PCDHA8: variants seen among roughly 807,000 people sequenced by gnomAD.
PCDHA8 encodes the protein protocadherin alpha-8.
Under a neutral mutation model 61.8 loss-of-function variants are expected in PCDHA8, and 53 were observed. That is an observed-to-expected ratio of 0.86 (90% CI 0.69 to 1.08). The LOEUF is 1.08. Ranked by LOEUF, PCDHA8 falls within the 50% of genes least tolerant of loss-of-function variation. The pLI is 0.00. For synonymous variants in PCDHA8, 618 were observed against 556.6 expected (o/e 1.11, Z -1.55); for missense variants, 1,293 against 1,245.0 (o/e 1.04, Z -0.58).
intron 1 of PCDHA8, among the ~76,000 whole-genome samples, chr5:140,902,684 A>G (rs1173996816): frequency 6.6e-6 from 1 of 152,100 alleles, no homozygotes; most frequent in Non-Finnish European, 1.5e-5. Flanking sequence ...ACCGTACCTA[A>G]TATGTGTAGT....
chr5:140,984,428 G>A (rs2097103075), intron 3 of PCDHA8, among the ~76,000 whole-genome samples: 1 of 152,100 alleles, frequency 6.6e-6, no homozygotes, highest in African/African-American at 2.4e-5. Context: ...ATAGAGAAGG[G>A]GATCTCCCTT....
At chr5:140,947,371 A>G (rs1468768080) in intron 1 of PCDHA8, among the ~76,000 whole-genome samples, 1 of 151,626 alleles carries the variant, frequency 6.6e-6, no homozygotes, top group Non-Finnish European at 1.5e-5. Context: ...CCTTTGATCT[A>G]TATGTTTATC....
Position 141,010,021 on chromosome 5 carries a change from T to C in PCDHA8, c.*84T>C. 1 of 1,572,108 alleles carries C rather than the reference T, an allele frequency of 6.4e-7. No individual in the cohort carries two copies. The highest frequency in any genetic ancestry group is 1.9e-5 in the Admixed American group (1 of 52,756). On this transcript the variant is annotated 3_prime_UTR_variant, in exon 4 of 4. Coordinates refer to ENST00000531613, the MANE Select transcript of PCDHA8 (RefSeq NM_018911.3). ...CATGTAGCAATTCCCTGCTCCTTTTTCCTATCTACATGAGCCCTCTTAGAG... is the reference window on the plus strand; with the variant it reads ...CATGTAGCAATTCCCTGCTCCTTTTCCCTATCTACATGAGCCCTCTTAGAG...
intron 1 of PCDHA8, chr5:140,929,609 A>G: frequency 2.4e-6 from 1 of 410,256 alleles, no homozygotes; most frequent in Non-Finnish European, 4.4e-6. Flanking sequence ...TAAAAATAAA[A>G]TACCAAAATA....
rs149739125 is a variant in PCDHA8, at chr5:140,954,248, C to T, written c.2395-24701C>T. 1.2e-3 allele frequency among the ~76,000 whole-genome samples: 179 copies of T among 152,316 alleles called. 1 individual carries two copies. The highest frequency in any genetic ancestry group is 4.0e-3 in the African/African-American group (166 of 41,572). ...TGAATAGTGCTGCAATGAACATACACATGCAGGTATCTTTATAATAGGATG... is the reference window on the plus strand; with the variant it reads ...TGAATAGTGCTGCAATGAACATACATATGCAGGTATCTTTATAATAGGATG... On this transcript the variant is annotated intron_variant, in intron 1 of 3. Coordinates refer to ENST00000531613, the MANE Select transcript of PCDHA8 (RefSeq NM_018911.3).
intron 1 of PCDHA8, among the ~76,000 whole-genome samples, chr5:140,917,183 A>T (rs2077937210): frequency 6.6e-6 from 1 of 152,132 alleles, no homozygotes; most frequent in African/African-American, 2.4e-5. Flanking sequence ...GTGATCCCAG[A>T]GTGTCTCTCC....
intron 1 of PCDHA8, among the ~76,000 whole-genome samples, chr5:140,941,983 A>G (rs2093212614): frequency 6.6e-6 from 1 of 152,198 alleles, no homozygotes; most frequent in Non-Finnish European, 1.5e-5. Context: ...CTAAACCTTG[A>G]TAAGGGATTC....
chr5:140,977,750 G>A (rs2096773664), intron 1 of PCDHA8, among the ~76,000 whole-genome samples: 1 of 152,142 alleles, frequency 6.6e-6, no homozygotes, highest in South Asian at 2.1e-4. Context: ...GAAGAAATGT[G>A]TTTATTAAAT....
chr5:140,996,293 A>T (rs1481852263), intron 3 of PCDHA8, among the ~76,000 whole-genome samples: 1 of 152,264 alleles, frequency 6.6e-6, no homozygotes, highest in African/African-American at 2.4e-5. Context: ...CAAGAAGCAC[A>T]GATTGTAACA....
intron 1 of PCDHA8, among the ~76,000 whole-genome samples, chr5:140,903,138 A>T (rs188809018): frequency 6.6e-6 from 1 of 152,258 alleles, no homozygotes; most frequent in East Asian, 1.9e-4. Context: ...AAATCTCCAA[A>T]CTGTTTTCCA....
At chr5:140,882,267 C>A in intron 1 of PCDHA8, 1 of 1,610,288 alleles carries the variant, frequency 6.2e-7, no homozygotes, top group Non-Finnish European at 8.5e-7. Context: ...TTGGAGTGTA[C>A]CATGCTGTCT....
Position 140,842,830 on chromosome 5 carries a change from G to C in PCDHA8, c.1509G>C (p.Ser503=). The change falls in exon 1 of 4, where the codon TCG becomes TCC. Residue 503 remains serine, a synonymous_variant. Transcript: ENST00000531613. ...SLVERRVGER[S]LSSYISVHTE... Reference sequence around the variant, plus strand: ...TGGAGCGGCGGGTGGGCGAGCGCTCGCTGTCGAGCTACATTTCGGTGCACA... The same window carrying C: ...TGGAGCGGCGGGTGGGCGAGCGCTCCCTGTCGAGCTACATTTCGGTGCACA... 2.4e-5 allele frequency: 39 copies of C among 1,593,780 alleles called. 3 individuals carry two copies. The highest frequency in any genetic ancestry group is 3.2e-5 in the Non-Finnish European group (37 of 1,165,316).
intron 1 of PCDHA8, chr5:140,875,916 G>GC: frequency 6.2e-7 from 1 of 1,614,086 alleles, no homozygotes. Context: ...CTGCGCCTCT[G>GC]GACTCTCATT....
intron 1 of PCDHA8, among the ~76,000 whole-genome samples, chr5:140,960,594 G>A (rs1341832093): frequency 6.6e-6 from 1 of 152,042 alleles, no homozygotes; most frequent in African/African-American, 2.4e-5. Flanking sequence ...CAAATTCAAG[G>A]TACTTCAACA....
intron 1 of PCDHA8, chr5:140,967,339 G>A (rs2153751436): frequency 6.2e-7 from 1 of 1,607,904 alleles, no homozygotes; most frequent in Non-Finnish European, 8.5e-7. Context: ...GCCCCAGCGA[G>A]CACTTCGAGC....
chr5:140,937,511 G>A (rs569896730), intron 1 of PCDHA8, among the ~76,000 whole-genome samples: 2 of 152,166 alleles, frequency 1.3e-5, no homozygotes, highest in Non-Finnish European at 2.9e-5. Context: ...CAGCTACTCA[G>A]GAGGCTGAGG....
Position 140,853,252 on chromosome 5 carries a change from C to T in PCDHA8, c.2394+9537C>T. 3 of 974,906 alleles carry T rather than the reference C, an allele frequency of 3.1e-6. 1 individual carries two copies. 60.4% of individuals were successfully genotyped at this position (974,906 alleles called of 1,614,324 possible). On this transcript the variant is annotated intron_variant, in intron 1 of 3. Transcript: ENST00000531613. ...TTAGTCCTTCATATTAATCTCTATT[C>T]TCTCTCAGAGTACAAGCTCTCATCA...
rs548266069 is a variant in PCDHA8 at position 140,886,217 on chromosome 5, T to G, written c.2394+42502T>G. Among the ~76,000 whole-genome samples, 388 of 152,238 alleles carry G rather than the reference T, an allele frequency of 2.5e-3. 1 individual carries two copies. Among genetic ancestry groups the G allele is most frequent in the African/African-American group, 9.1e-3 (377 of 41,582 alleles). Reference sequence around the variant, plus strand: ...GTAATCTGTTCTCCATTTCTCTAATTTTGTTACTTTTACTTCAGAAATAAA... The same window carrying G: ...GTAATCTGTTCTCCATTTCTCTAATGTTGTTACTTTTACTTCAGAAATAAA... On this transcript the variant is annotated intron_variant, in intron 1 of 3. Coordinates refer to ENST00000531613, the MANE Select transcript of PCDHA8 (RefSeq NM_018911.3).
rs376660293 is a variant in PCDHA8 at position 141,011,766 on chromosome 5, A to C, written c.*1829A>C. ...ACCAATCTGACCTCTTTGAAGTTGCAGAATGCTTTGAAATTCTAATGGTAT... is the reference window on the plus strand; with the variant it reads ...ACCAATCTGACCTCTTTGAAGTTGCCGAATGCTTTGAAATTCTAATGGTAT... On this transcript the variant is annotated 3_prime_UTR_variant, in exon 4 of 4. Transcript: ENST00000531613. 2.6e-5 allele frequency: 4 copies of C among 153,796 alleles called. No homozygotes were observed. Among genetic ancestry groups the C allele is most frequent in the Non-Finnish European group, 5.9e-5 (4 of 68,044 alleles). 9.5% of individuals were successfully genotyped at this position (153,796 alleles called of 1,614,324 possible).
Sources: gnomAD v4.1 joint callset for allele counts (sites outside exome capture counted in the v4.1 genomes callset) on GRCh38, gnomAD v4.1.1 for gene constraint, MANE v1.5 for transcripts, NCBI Gene and HGNC (gene_info 2026-07-23, HGNC 2026-07-21) for gene names.